MLF2: variants seen among roughly 807,000 people sequenced by gnomAD.
MLF2 encodes myelodysplasia-myeloid leukemia factor 2.
In MLF2, 12 loss-of-function variants were observed where a neutral mutation model predicts 31.4. That is an observed-to-expected ratio of 0.38 (90% CI 0.24 to 0.62). The LOEUF (loss-of-function observed/expected upper bound fraction) is 0.62, where lower values mean the gene tolerates loss of function less well. MLF2 is among the 20% of genes least tolerant of loss of function. The pLI is 0.58. For synonymous variants in MLF2, 109 were observed against 118.8 expected (o/e 0.92, Z 0.54); for missense variants, 272 against 359.7 (o/e 0.76, Z 1.97).
In MLF2 at chr12:6,752,106, C is replaced by T. The variant is rs756101303; in HGVS notation, c.51-52G>A. On this transcript the variant is annotated intron_variant, in intron 2 of 8. Coordinates refer to ENST00000203630, the MANE Select transcript of MLF2 (RefSeq NM_001382226.1). This position sits in a 1 kb window ranked among gnomAD's most constrained non-coding sequence, Gnocchi z 4.6. Reference sequence around the variant, plus strand: ...GGCAGAAGCGCCAAACTGTCAATCCCTCCACCACCCTGCAAAAAAATACGC... The same window carrying T: ...GGCAGAAGCGCCAAACTGTCAATCCTTCCACCACCCTGCAAAAAAATACGC... 1.2e-6 allele frequency: 2 copies of T among 1,609,700 alleles called. No homozygotes were observed. Among genetic ancestry groups the T allele is most frequent in the Non-Finnish European group, 8.5e-7 (1 of 1,176,706 alleles).
rs1280358764 is a variant in MLF2 at position 6,749,580 on chromosome 12, T to C, written c.559+268A>G. Among the ~76,000 whole-genome samples the C allele has an allele frequency of 6.6e-6, 1 of 152,202 alleles. No homozygotes were observed. The highest frequency in any genetic ancestry group is 1.5e-5 in the Non-Finnish European group (1 of 68,038). On this transcript the variant is annotated intron_variant, in intron 7 of 8. Coordinates refer to ENST00000203630, the MANE Select transcript of MLF2 (RefSeq NM_001382226.1). This position sits in a 1 kb window ranked among gnomAD's most constrained non-coding sequence, Gnocchi z 5.3. ...AAATACAGAAATTAGCTGGGCGTGG[T>C]GGCACATGCCTGTAGTTCCAGCTAC...
At position 6,750,183 on chromosome 12, in the gene MLF2, T is replaced by C. The variant is rs1941593454; in HGVS notation, c.393A>G (p.Pro131=). ...YQETSEMRSA[P]GGIRETRRTV... ...GGAGGGCTCCCCAACTCACCCCGCC[T>C]GGTGCCGAGCGCATCTCTGATGTCT... The change falls in exon 6 of 9, where the codon CCA becomes CCG. Residue 131 remains proline (P), a synonymous_variant. Transcript: ENST00000203630. This position sits in a 1 kb window ranked among gnomAD's most constrained non-coding sequence, Gnocchi z 5.3. The C allele has an allele frequency of 1.9e-6, 3 of 1,614,096 alleles. No individual in the cohort carries two copies. The African/African-American group carries it at 4.0e-5, about 22-fold the overall frequency.
intron 4 of MLF2, 148 bp downstream of exon 4, chr12:6,751,493 C>G (rs1339232391): frequency 1.6e-5 from 15 of 929,044 alleles, no homozygotes; most frequent in Non-Finnish European, 2.5e-5. Context: ...CTCCTAGTAC[C>G]CAACAGGCTC....
chr12:6,750,725 C>A lies in MLF2; in HGVS notation c.258G>T (p.Met86Ile). The change falls in exon 5 of 9, where the codon ATG becomes ATT. Residue 86 changes from methionine to isoleucine, a missense_variant. Physicochemically the swap from Met to Ile is conservative, Grantham distance 10 (BLOSUM62 1). Transcript: ENST00000203630. The surrounding 1 kb of genome is among the most constrained non-coding windows in gnomAD (Gnocchi z 5.3). ...FMDMFGMMND[M>I]IGNMEHMTAG... ...GGGCAAGTCTCACCATGTTTCCAATCATGTCATTCATCATCCCAAACATGT... is the reference window on the plus strand; with the variant it reads ...GGGCAAGTCTCACCATGTTTCCAATAATGTCATTCATCATCCCAAACATGT... The A allele has an allele frequency of 6.2e-7, 1 of 1,614,110 alleles. No individual in the cohort carries two copies. The highest frequency in any genetic ancestry group is 1.1e-5 in the South Asian group (1 of 91,058).
chr12:6,750,844 C>A lies in MLF2; in HGVS notation c.217-78G>T. ...GTTGATCCTGTTTAGGAACCCACAA[C>A]CCACATGGCTGCACATTTCCTTTCT... On this transcript the variant is annotated intron_variant, in intron 4 of 8. Transcript: ENST00000203630. This position sits in a 1 kb window ranked among gnomAD's most constrained non-coding sequence, Gnocchi z 5.3. 1.6e-6 allele frequency: 2 copies of A among 1,246,432 alleles called. No homozygotes were observed. The highest frequency in any genetic ancestry group is 2.4e-6 in the Non-Finnish European group (2 of 851,028). The allele number at this position is 1,246,432 out of a possible 1,614,324, so 77.2% of individuals were successfully genotyped here.
In MLF2 at chr12:6,750,594, A is replaced by G; in HGVS notation, c.270+119T>C. On this transcript the variant is annotated intron_variant, in intron 5 of 8. Coordinates refer to ENST00000203630, the MANE Select transcript of MLF2 (RefSeq NM_001382226.1). This position sits in a 1 kb window ranked among gnomAD's most constrained non-coding sequence, Gnocchi z 5.3. ...GGTCCCAAGGCTCTCTGGTTCAATTACTTTATCCAGTACTTTACCCTTCAC... is the reference window on the plus strand; with the variant it reads ...GGTCCCAAGGCTCTCTGGTTCAATTGCTTTATCCAGTACTTTACCCTTCAC... The G allele has an allele frequency of 8.1e-7, 1 of 1,227,252 alleles. No individual in the cohort carries two copies. The highest frequency in any genetic ancestry group is 1.2e-6 in the Non-Finnish European group (1 of 851,848). 76.0% of individuals were successfully genotyped at this position (1,227,252 alleles called of 1,614,324 possible).
Position 6,750,639 on chromosome 12 carries a change from TG to T in MLF2, c.270+73del. ...CTTCACTAGCATACTGTTTCCCTCTTGCCTTAGAGGATGCAAGGTGTTGTCA... is the reference window on the plus strand; with the variant it reads ...CTTCACTAGCATACTGTTTCCCTCTTCCTTAGAGGATGCAAGGTGTTGTCA... On this transcript the variant is annotated intron_variant, in intron 5 of 8. Coordinates refer to ENST00000203630, the MANE Select transcript of MLF2 (RefSeq NM_001382226.1). This position sits in a 1 kb window ranked among gnomAD's most constrained non-coding sequence, Gnocchi z 5.3. 2 of 1,487,368 alleles carry T rather than the reference TG, an allele frequency of 1.3e-6. No homozygotes were observed. The highest frequency in any genetic ancestry group is 1.9e-6 in the Non-Finnish European group (2 of 1,066,480). The allele number at this position is 1,487,368 out of a possible 1,614,324, so 92.1% of individuals were successfully genotyped here. A position where few individuals can be genotyped will look rare whatever the true frequency, so the allele number is the denominator to read the frequency against.
Position 6,750,295 on chromosome 12 carries a change from G to A in MLF2, c.281C>T (p.Thr94Ile). The change falls in exon 6 of 9, where the codon ACA becomes ATA. Residue 94 changes from threonine to isoleucine, a missense_variant. By Grantham distance (89) the Thr-to-Ile change is moderately conservative. Coordinates refer to ENST00000203630, the MANE Select transcript of MLF2 (RefSeq NM_001382226.1). This position sits in a 1 kb window ranked among gnomAD's most constrained non-coding sequence, Gnocchi z 5.3. ...GAAGGTCTGGCAATTGCCTCCAGCTGTCATGTGTTCCTGAGGACAGGGTAG... is the reference window on the plus strand; with the variant it reads ...GAAGGTCTGGCAATTGCCTCCAGCTATCATGTGTTCCTGAGGACAGGGTAG... ...NDMIGNMEHMTAGGNCQTFSS... is the reference protein window; with the variant it reads ...NDMIGNMEHMIAGGNCQTFSS... 1 of 1,614,152 alleles carries A rather than the reference G, an allele frequency of 6.2e-7. No homozygotes were observed. The highest frequency in any genetic ancestry group is 8.5e-7 in the Non-Finnish European group (1 of 1,179,990).
Position 6,752,138 on chromosome 12 carries a change from C to G in MLF2, c.51-84G>C, listed in dbSNP as rs1156840114. 2.5e-6 allele frequency: 4 copies of G among 1,594,064 alleles called. No individual in the cohort carries two copies. The highest frequency in any genetic ancestry group is 1.7e-4 in the Middle Eastern group (1 of 6,032). ...ACCCTGCAAAAAAATACGCACAGAG[C>G]AACAGTGGCACCGATGCCTACTTCC... On this transcript the variant is annotated intron_variant, in intron 2 of 8. Coordinates refer to ENST00000203630, the MANE Select transcript of MLF2 (RefSeq NM_001382226.1). This position sits in a 1 kb window ranked among gnomAD's most constrained non-coding sequence, Gnocchi z 4.6.
rs909256180 is a variant in MLF2 at position 6,750,948 on chromosome 12, A to T, written c.217-182T>A. ...AATACTCATATTTCTCCTCCTGTGAACTGCTGACCCCTTCCTCAGTCTCTG... is the reference window on the plus strand; with the variant it reads ...AATACTCATATTTCTCCTCCTGTGATCTGCTGACCCCTTCCTCAGTCTCTG... On this transcript the variant is annotated intron_variant, in intron 4 of 8. Coordinates refer to ENST00000203630, the MANE Select transcript of MLF2 (RefSeq NM_001382226.1). This position sits in a 1 kb window ranked among gnomAD's most constrained non-coding sequence, Gnocchi z 5.3. 3.3e-6 allele frequency: 2 copies of T among 607,954 alleles called. No individual in the cohort carries two copies. The highest frequency in any genetic ancestry group is 5.1e-5 in the Admixed American group (2 of 38,842). 37.7% of individuals were successfully genotyped at this position (607,954 alleles called of 1,614,324 possible).
rs563566450 is a variant in MLF2 at position 6,749,476 on chromosome 12, C to T, written c.559+372G>A. On this transcript the variant is annotated intron_variant, in intron 7 of 8. Transcript: ENST00000203630. The surrounding 1 kb of genome is among the most constrained non-coding windows in gnomAD (Gnocchi z 5.3). ...CCTGTAATCCCGGCACTTTGGGAGG[C>T]CAACGGTCGGTGGGTGGATCACAAG... is the stretch of plus-strand genomic sequence containing the variant. 6.6e-6 allele frequency among the ~76,000 whole-genome samples: 1 copy of T among 152,292 alleles called. No individual in the cohort carries two copies. Among genetic ancestry groups the T allele is most frequent in the East Asian group, 1.9e-4 (1 of 5,174 alleles).
Position 6,750,563 on chromosome 12 carries a change from G to C in MLF2, c.270+150C>G. ...CTGCTTCAGGCAGGCATGACAGCAG[G>C]TACAGGGTCCCAAGGCTCTCTGGTT... On this transcript the variant is annotated intron_variant, in intron 5 of 8. Transcript: ENST00000203630. The surrounding 1 kb of genome is among the most constrained non-coding windows in gnomAD (Gnocchi z 5.3). 9.9e-7 allele frequency: 1 copy of C among 1,006,450 alleles called. No individual in the cohort carries two copies. Among genetic ancestry groups the C allele is most frequent in the Non-Finnish European group, 1.5e-6 (1 of 671,356 alleles). 62.3% of individuals were successfully genotyped at this position (1,006,450 alleles called of 1,614,324 possible). A position where few individuals can be genotyped will look rare whatever the true frequency, so the allele number is the denominator to read the frequency against.
chr12:6,749,326 T>C lies in MLF2; in HGVS notation c.560-344A>G, dbSNP rs1380783027. ...GTGGAGAAGGGTGTAACACTATCAATACGGAACTTCAGGGACAAAGTAGGC... is the reference window on the plus strand; with the variant it reads ...GTGGAGAAGGGTGTAACACTATCAACACGGAACTTCAGGGACAAAGTAGGC... On this transcript the variant is annotated intron_variant, in intron 7 of 8. Transcript: ENST00000203630. This position sits in a 1 kb window ranked among gnomAD's most constrained non-coding sequence, Gnocchi z 5.3. Among the ~76,000 whole-genome samples, 7 of 152,214 alleles carry C rather than the reference T, an allele frequency of 4.6e-5. No homozygotes were observed.
In MLF2 at chr12:6,749,278, AG is replaced by A. The variant is rs1941573418; in HGVS notation, c.560-297del. On this transcript the variant is annotated intron_variant, in intron 7 of 8. Coordinates refer to ENST00000203630, the MANE Select transcript of MLF2 (RefSeq NM_001382226.1). The surrounding 1 kb of genome is among the most constrained non-coding windows in gnomAD (Gnocchi z 5.3). ...AATTGCGGATTTGAAAAAGATAAAG[AG>A]GGGAGAAAGAAACGGATCAAGGTGG... Among the ~76,000 whole-genome samples the A allele has an allele frequency of 2.6e-5, 4 of 151,772 alleles. No homozygotes were observed. The highest frequency in any genetic ancestry group is 9.7e-5 in the African/African-American group (4 of 41,336).
Position 6,748,572 on chromosome 12 carries a change from A to G in MLF2, c.*26-25T>C, listed in dbSNP as rs1287808670. 8 of 449,494 alleles carry G rather than the reference A, an allele frequency of 1.8e-5. No homozygotes were observed. The highest frequency in any genetic ancestry group is 3.1e-5 in the Non-Finnish European group (8 of 256,760). 27.8% of individuals were successfully genotyped at this position (449,494 alleles called of 1,614,324 possible). On this transcript the variant is annotated intron_variant, in intron 8 of 8. Coordinates refer to ENST00000203630, the MANE Select transcript of MLF2 (RefSeq NM_001382226.1). The surrounding 1 kb of genome is among the most constrained non-coding windows in gnomAD (Gnocchi z 4.6). ...CCTGGAGGGGGAAAGAGAGAGGAGCACAAGTCAAAAGGAAGAAAAAACTTA... is the reference window on the plus strand; with the variant it reads ...CCTGGAGGGGGAAAGAGAGAGGAGCGCAAGTCAAAAGGAAGAAAAAACTTA...
chr12:6,749,547 T>C lies in MLF2; in HGVS notation c.559+301A>G, dbSNP rs1941578190. Among the ~76,000 whole-genome samples, 1 of 152,166 alleles carries C rather than the reference T, an allele frequency of 6.6e-6. No homozygotes were observed. The highest frequency in any genetic ancestry group is 1.5e-5 in the Non-Finnish European group (1 of 68,030). On this transcript the variant is annotated intron_variant, in intron 7 of 8. Coordinates refer to ENST00000203630, the MANE Select transcript of MLF2 (RefSeq NM_001382226.1). This position sits in a 1 kb window ranked among gnomAD's most constrained non-coding sequence, Gnocchi z 5.3. Reference sequence around the variant, plus strand: ...CTGCCCAACATGGTGAAACCCTGTCTCTACTAAAAATACAGAAATTAGCTG... The same window carrying C: ...CTGCCCAACATGGTGAAACCCTGTCCCTACTAAAAATACAGAAATTAGCTG...
rs961038267 is a variant in MLF2, at chr12:6,749,082, T to A, written c.560-100A>T. 2 of 1,275,504 alleles carry A rather than the reference T, an allele frequency of 1.6e-6. No homozygotes were observed. The highest frequency in any genetic ancestry group is 2.1e-6 in the Non-Finnish European group (2 of 947,802). 79.0% of individuals were successfully genotyped at this position (1,275,504 alleles called of 1,614,324 possible). ...CTTTTCGGGCCAAAGCGGCGAAGGC[T>A]GAGTGTGCGTGCAGGGATGGGTGGG... On this transcript the variant is annotated intron_variant, in intron 7 of 8. Coordinates refer to ENST00000203630, the MANE Select transcript of MLF2 (RefSeq NM_001382226.1). The surrounding 1 kb of genome is among the most constrained non-coding windows in gnomAD (Gnocchi z 5.3).
Position 6,753,098 on chromosome 12 carries a change from C to G in MLF2, c.-188G>C, listed in dbSNP as rs1261035317. ...ACAGCTGCCACCTCCGTACGGCCCC[C>G]TCGGCCAACGGAGCCCGAACCTCGG... On this transcript the variant is annotated 5_prime_UTR_variant, in exon 1 of 9. Coordinates refer to ENST00000203630, the MANE Select transcript of MLF2 (RefSeq NM_001382226.1). The G allele has an allele frequency of 1.0e-5, 4 of 392,424 alleles. No homozygotes were observed. The highest frequency in any genetic ancestry group is 1.8e-5 in the Non-Finnish European group (4 of 222,692). The allele number at this position is 392,424 out of a possible 1,614,324, so 24.3% of individuals were successfully genotyped here. A position where few individuals can be genotyped will look rare whatever the true frequency, so the allele number is the denominator to read the frequency against.
Position 6,752,282 on chromosome 12 carries a change from C to A in MLF2, c.50+3G>T. The A allele has an allele frequency of 6.4e-7, 1 of 1,561,030 alleles. No individual in the cohort carries two copies. Among genetic ancestry groups the A allele is most frequent in the Non-Finnish European group, 8.7e-7 (1 of 1,151,656 alleles). On this transcript the variant is annotated splice_donor_region_variant and intron_variant, in intron 2 of 8. Coordinates refer to ENST00000203630, the MANE Select transcript of MLF2 (RefSeq NM_001382226.1). This position sits in a 1 kb window ranked among gnomAD's most constrained non-coding sequence, Gnocchi z 4.6. ...GAGAGCTTGAGGGGGAGGGAATACT[C>A]ACATCAGGAACATGGGATCCTCAGG...
Sources: gnomAD v4.1 joint callset for allele counts (sites outside exome capture counted in the v4.1 genomes callset) on GRCh38, gnomAD v4.1.1 for gene constraint, Gnocchi (gnomAD v3.1) non-coding constraint, MANE v1.5 for transcripts, NCBI Gene and HGNC (gene_info 2026-07-23, HGNC 2026-07-21) for gene names.